Variants in RPRD2 observed in about 807,000 individuals in gnomAD.
The protein encoded by RPRD2 is regulation of nuclear pre-mRNA domain containing 2.
A neutral mutation model predicts 104.4 loss-of-function variants in RPRD2; 12 were observed. That is an observed-to-expected ratio of 0.11 (90% confidence interval 0.07 to 0.19). RPRD2 has a LOEUF of 0.19. RPRD2 is among the 10% of genes least tolerant of loss of function. The pLI is 1.00. For missense variants in RPRD2, 1,543 were observed against 1,790.1 expected, an observed-to-expected ratio of 0.86 and a Z score of 2.49; for synonymous variants, 714 against 684.9, an observed-to-expected ratio of 1.04 and a Z score of -0.66.
intron 1 of RPRD2, among the ~76,000 whole-genome samples, chr1:150,405,220 G>C (rs1172896058): frequency 1.3e-5 from 2 of 152,158 alleles, no homozygotes; most frequent in African/African-American, 4.8e-5. Flanking sequence ...GAAATGAGTA[G>C]TAAATTAAGT....
intron 2 of RPRD2, among the ~76,000 whole-genome samples, chr1:150,429,375 C>A (rs1665398616): frequency 6.6e-6 from 1 of 151,846 alleles, no homozygotes; most frequent in South Asian, 2.1e-4. Context: ...CACACCCAGC[C>A]AGTAGTGGCT....
rs940788396 is a variant in RPRD2 at position 150,377,366 on chromosome 1, C to T, written c.205+12447C>T. ...CTGTAATCCCAGTACTTTGGGAGGCCGAGGCGGGCGGATCACGAGGTCAGG... is the reference window on the plus strand; with the variant it reads ...CTGTAATCCCAGTACTTTGGGAGGCTGAGGCGGGCGGATCACGAGGTCAGG... On this transcript the variant is annotated intron_variant, in intron 1 of 10. Transcript: ENST00000369068. Among the ~76,000 whole-genome samples, 34 of 151,914 alleles carry T rather than the reference C, an allele frequency of 2.2e-4. No individual in the cohort carries two copies. The Middle Eastern group carries it at 0.017, about 77-fold the overall frequency.
chr1:150,377,169 C>G (rs184368072), intron 1 of RPRD2, among the ~76,000 whole-genome samples: 1 of 151,164 alleles, frequency 6.6e-6, no homozygotes, highest in East Asian at 2.0e-4. Context: ...TGAGATTACG[C>G]CACTACACTC....
At chr1:150,446,639 A>G (rs1666790418) in intron 7 of RPRD2, among the ~76,000 whole-genome samples, 2 of 152,124 alleles carry the variant, frequency 1.3e-5, no homozygotes, top group Admixed American at 1.3e-4. Context: ...TGGTGAAACC[A>G]TGTGTCTAGC....
intron 2 of RPRD2, among the ~76,000 whole-genome samples, chr1:150,427,077 G>A (rs782277570): frequency 2.0e-5 from 3 of 152,074 alleles, no homozygotes; most frequent in Non-Finnish European, 4.4e-5. Context: ...CCCGGGAAGT[G>A]GAGGTTACAG....
intron 2 of RPRD2, among the ~76,000 whole-genome samples, chr1:150,438,867 ACT>A (rs782572064): frequency 2.0e-5 from 3 of 151,266 alleles, no homozygotes; most frequent in African/African-American, 7.3e-5. Context: ...ACGGAGTCTC[ACT>A]CTGTCTCCAG....
intron 1 of RPRD2, among the ~76,000 whole-genome samples, chr1:150,365,544 C>T (rs1553877035): frequency 6.6e-6 from 1 of 152,192 alleles, no homozygotes; most frequent in Non-Finnish European, 1.5e-5. Context: ...AACTGCGATA[C>T]AGTAGTCAGT....
Position 150,472,540 on chromosome 1 carries a change from C to G in RPRD2, c.3592C>G (p.Pro1198Ala), listed in dbSNP as rs1668658671. The change falls in exon 11 of 11, where the codon CCC (proline) becomes GCC (alanine). Residue 1198 changes from proline (P) to alanine (A), a missense_variant. Transcript: ENST00000369068. ...ATTTGAGCATCATCTTCCCCCATCC[C>G]CCTTGGAACATGGGACACCCTTCCA... ...STFEHHLPPS[P>A]LEHGTPFQRE... is the part of the protein sequence containing the mutation. 1 of 1,613,990 alleles carries G rather than the reference C, an allele frequency of 6.2e-7. No homozygotes were observed. The highest frequency in any genetic ancestry group is 1.1e-5 in the South Asian group (1 of 91,080).
At chr1:150,369,608 C>G (rs1217466151) in intron 1 of RPRD2, among the ~76,000 whole-genome samples, 6 of 142,014 alleles carry the variant, frequency 4.2e-5, no homozygotes, top group African/African-American at 1.5e-4. Context: ...AGGCGCCCGT[C>G]ACCGCGCCCA....
chr1:150,406,835 T>C (rs1380522770), intron 1 of RPRD2, among the ~76,000 whole-genome samples: 1 of 152,160 alleles, frequency 6.6e-6, no homozygotes, highest in African/African-American at 2.4e-5. Context: ...CTGGCTCAAC[T>C]TCCCGAGTAG....
intron 10 of RPRD2, among the ~76,000 whole-genome samples, chr1:150,466,276 G>A (rs1177351689): frequency 1.3e-5 from 2 of 151,400 alleles, no homozygotes; most frequent in Admixed American, 6.6e-5. Context: ...TACTTGGAAG[G>A]CTGAGGCAGG....
rs369799418 is a variant in RPRD2 at position 150,379,572 on chromosome 1, T to C, written c.205+14653T>C. 4.6e-5 allele frequency among the ~76,000 whole-genome samples: 7 copies of C among 152,150 alleles called. No individual in the cohort carries two copies. The East Asian group carries it at 7.8e-4, about 17-fold the overall frequency. On this transcript the variant is annotated intron_variant, in intron 1 of 10. Transcript: ENST00000369068. ...CATGTGCCACCATGCCCGGCTAATT[T>C]TGTATTTTTAGTAGAGACGGGGTTT... is the stretch of plus-strand genomic sequence containing the variant.
intron 1 of RPRD2, among the ~76,000 whole-genome samples, chr1:150,407,620 C>T (rs956600625): frequency 1.1e-4 from 17 of 152,240 alleles, no homozygotes; most frequent in Non-Finnish European, 8.8e-5. Context: ...AGATTTTCTA[C>T]GTAGTTCAGT....
At chr1:150,434,883 TTTG>T (rs1665890535) in intron 2 of RPRD2, among the ~76,000 whole-genome samples, 1 of 152,184 alleles carries the variant, frequency 6.6e-6, no homozygotes, top group Non-Finnish European at 1.5e-5. Context: ...TGGGGAAATG[TTTG>T]TTAAGTGAAA....
At chr1:150,469,716 T>G (rs1325051930) in intron 10 of RPRD2, among the ~76,000 whole-genome samples, 1 of 152,198 alleles carries the variant, frequency 6.6e-6, no homozygotes, top group African/African-American at 2.4e-5. Context: ...AACTTCAGCC[T>G]TTGCCCCAAA....
chr1:150,437,776 C>T lies in RPRD2; in HGVS notation c.336-3147C>T, dbSNP rs587682585. 4.0e-5 allele frequency among the ~76,000 whole-genome samples: 6 copies of T among 151,758 alleles called. 1 individual carries two copies. The highest frequency in any genetic ancestry group is 8.8e-5 in the Non-Finnish European group (6 of 67,910). ...TGTATTTTTTGCAGAGATGGGGTTT[C>T]GCCACGTTGCCCAGGCTGGTCTCAA... On this transcript the variant is annotated intron_variant, in intron 2 of 10. Coordinates refer to ENST00000369068, the MANE Select transcript of RPRD2 (RefSeq NM_015203.5).
At chr1:150,429,023 A>T (rs1020829721) in intron 2 of RPRD2, among the ~76,000 whole-genome samples, 1 of 151,588 alleles carries the variant, frequency 6.6e-6, no homozygotes, top group African/African-American at 2.4e-5. Context: ...AGAAAAGGTT[A>T]TGTAACTAAG....
chr1:150,386,252 G>A (rs1237205030), intron 1 of RPRD2, among the ~76,000 whole-genome samples: 3 of 152,090 alleles, frequency 2.0e-5, no homozygotes, highest in South Asian at 4.1e-4. Flanking sequence ...GGGATTACAG[G>A]CATGAGCCAC....
At chr1:150,393,544 G>A (rs1180102414) in intron 1 of RPRD2, among the ~76,000 whole-genome samples, 3 of 150,332 alleles carry the variant, frequency 2.0e-5, no homozygotes, top group Non-Finnish European at 4.4e-5. Flanking sequence ...CAGTGTGAAT[G>A]TATCACCCCA....
Sources: gnomAD v4.1 joint callset for allele counts (sites outside exome capture counted in the v4.1 genomes callset) on GRCh38, gnomAD v4.1.1 for gene constraint, MANE v1.5 for transcripts, NCBI Gene and HGNC (gene_info 2026-07-23, HGNC 2026-07-21) for gene names.